SPATA6: variants seen among roughly 807,000 people sequenced by gnomAD.
The protein encoded by SPATA6 is spermatogenesis-associated protein 6.
Under a neutral mutation model 65.3 loss-of-function variants are expected in SPATA6, and 56 were observed. The observed-to-expected ratio is 0.86, with a 90% CI of 0.69 to 1.07. The LOEUF is 1.07. SPATA6 is among the 50% of genes least tolerant of loss of function. SPATA6 has a pLI of 0.00. For missense variants in SPATA6, 590 were observed against 594.8 expected (o/e 0.99, Z 0.08); for synonymous variants, 199 against 213.2 (o/e 0.93, Z 0.58).
chr1:48,416,935 A>T (rs1652840145), intron 3 of SPATA6, among the ~76,000 whole-genome samples: 1 of 152,220 alleles, frequency 6.6e-6, no homozygotes, highest in Non-Finnish European at 1.5e-5. Flanking sequence ...CTAAGACTAG[A>T]AGGGACCTTT....
chr1:48,271,831 A>T, the SPATA6 span, among the ~76,000 whole-genome samples: 1 of 151,992 alleles, frequency 6.6e-6, no homozygotes, highest in Middle Eastern at 3.2e-3. Context: ...TGAAGAAATG[A>T]CCCTTCCCTA....
chr1:48,393,669 T>C (rs978962817), intron 8 of SPATA6, among the ~76,000 whole-genome samples: 2 of 152,130 alleles, frequency 1.3e-5, no homozygotes, highest in African/African-American at 4.8e-5. Context: ...CAAAATATCA[T>C]GGACTGGGTA....
the SPATA6 span, among the ~76,000 whole-genome samples, chr1:48,266,626 C>G: frequency 6.6e-6 from 1 of 152,160 alleles, no homozygotes; most frequent in South Asian, 2.1e-4. Context: ...TCACTAAAGT[C>G]AAATGTTCTT....
In SPATA6 at chr1:48,355,765, G is replaced by A; in HGVS notation, c.1099C>T (p.His367Tyr). The change falls in exon 11 of 13, where the codon CAT becomes TAT. Residue 367 changes from histidine (H) to tyrosine (Y), a missense_variant. His to Tyr is a moderately conservative substitution (Grantham distance 83, BLOSUM62 2). Transcript: ENST00000371847. ...TTTGAAGGTGAACACCAATCAGAAT[G>A]AAATCTGTAGGCAAAAAATAAGTTT... The part of the protein sequence containing the change: ...LNRASLRERF[H>Y]SDWCSPSNCD... 9.9e-6 allele frequency: 16 copies of A among 1,609,428 alleles called. No individual in the cohort carries two copies. The highest frequency in any genetic ancestry group is 1.3e-5 in the Non-Finnish European group (15 of 1,177,968).
At chr1:48,371,104 A>G (rs1403965508) in intron 9 of SPATA6, among the ~76,000 whole-genome samples, 1 of 152,220 alleles carries the variant, frequency 6.6e-6, no homozygotes, top group African/African-American at 2.4e-5. Flanking sequence ...AATGTTAAAG[A>G]ATAAGCTAGA....
At chr1:48,444,566 G>C (rs1165347766) in intron 3 of SPATA6, among the ~76,000 whole-genome samples, 3 of 151,956 alleles carry the variant, frequency 2.0e-5, no homozygotes, top group African/African-American at 7.3e-5. Context: ...TCAGCACTCT[G>C]TAAAATGGAC....
intron 2 of SPATA6, among the ~76,000 whole-genome samples, chr1:48,452,762 A>G (rs983331113): frequency 3.3e-5 from 5 of 152,234 alleles, no homozygotes; most frequent in Non-Finnish European, 5.9e-5. Context: ...TATGTTACAT[A>G]AAGTCCACTA....
At chr1:48,380,655 A>G (rs1648455244) in intron 9 of SPATA6, among the ~76,000 whole-genome samples, 1 of 152,248 alleles carries the variant, frequency 6.6e-6, no homozygotes, top group Non-Finnish European at 1.5e-5. Context: ...ACTATATGTC[A>G]GATAATATGC....
intron 12 of SPATA6, among the ~76,000 whole-genome samples, chr1:48,304,895 C>T (rs11205469): frequency 0.31 from 47,221 of 152,034 alleles, 8,991 homozygotes; most frequent in Middle Eastern, 0.44. Context: ...AAATAACAAA[C>T]GGTAAAAAAT....
chr1:48,276,019 A>G, the SPATA6 span, among the ~76,000 whole-genome samples: 1 of 152,000 alleles, frequency 6.6e-6, no homozygotes. Flanking sequence ...AGAACTTATT[A>G]TTGGTCTATT....
At chr1:48,448,848 A>C (rs1656305156) in intron 3 of SPATA6, among the ~76,000 whole-genome samples, 3 of 152,242 alleles carry the variant, frequency 2.0e-5, no homozygotes, top group African/African-American at 7.2e-5. Flanking sequence ...ATATAGAGAC[A>C]GAAAATACAT....
intron 11 of SPATA6, among the ~76,000 whole-genome samples, chr1:48,333,746 A>G (rs1390095157): frequency 3.9e-5 from 6 of 152,222 alleles, no homozygotes. Context: ...GAGAAACAAG[A>G]GCAAACAAAC....
intron 1 of SPATA6, among the ~76,000 whole-genome samples, chr1:48,458,810 T>C (rs1253054410): frequency 2.6e-5 from 4 of 152,248 alleles, no homozygotes; most frequent in Admixed American, 1.3e-4. Context: ...TACTAACAGA[T>C]ACAGGATTTT....
At chr1:48,454,234 C>T (rs1323544106) in intron 1 of SPATA6, among the ~76,000 whole-genome samples, 1 of 151,988 alleles carries the variant, frequency 6.6e-6, no homozygotes, top group African/African-American at 2.4e-5. Flanking sequence ...TAAAGGCTCT[C>T]TAAGATTTGA....
At chr1:48,452,061 T>A (rs575786069) in intron 2 of SPATA6, among the ~76,000 whole-genome samples, 1 of 152,316 alleles carries the variant, frequency 6.6e-6, no homozygotes, top group Non-Finnish European at 1.5e-5. Context: ...CTTCATGCAC[T>A]TACCACTATC....
intron 3 of SPATA6, among the ~76,000 whole-genome samples, chr1:48,420,163 C>A (rs1653188767): frequency 6.6e-6 from 1 of 152,074 alleles, no homozygotes; most frequent in Admixed American, 6.5e-5. Flanking sequence ...TCTGTAAAAA[C>A]CCAAGAAGAC....
Position 48,342,324 on chromosome 1 carries a change from C to T in SPATA6, c.1194+13346G>A, listed in dbSNP as rs569662767. ...CAATGAAAATGAAGCACATGCATGT[C>T]ACAAACATTAATCAAAAGAAATCAG... On this transcript the variant is annotated intron_variant, in intron 11 of 12. Transcript: ENST00000371847. 3.3e-5 allele frequency among the ~76,000 whole-genome samples: 5 copies of T among 152,208 alleles called. No homozygotes were observed. In the South Asian group the frequency reaches 1.0e-3, roughly 32 times the overall value.
At chr1:48,335,931 T>C (rs1271314517) in intron 11 of SPATA6, among the ~76,000 whole-genome samples, 1 of 151,528 alleles carries the variant, frequency 6.6e-6, no homozygotes, top group East Asian at 1.9e-4. Flanking sequence ...CTTAAACACA[T>C]AAGCAAAAAA....
At chr1:48,439,495 A>C (rs1432710013) in intron 3 of SPATA6, among the ~76,000 whole-genome samples, 1 of 151,692 alleles carries the variant, frequency 6.6e-6, no homozygotes, top group South Asian at 2.1e-4. Flanking sequence ...CTGCTGCTGC[A>C]TCAGTGAGTG....
Sources: allele counts gnomAD v4.1 joint callset (sites outside exome capture counted in the v4.1 genomes callset), GRCh38; gene constraint gnomAD v4.1.1; transcripts MANE v1.5; gene names NCBI Gene and HGNC (gene_info 2026-07-23, HGNC 2026-07-21).